The following NUBPL variants were observed in gnomAD, a reference collection of about 807,000 sequenced individuals.
The protein encoded by NUBPL is NUBP iron-sulfur cluster assembly factor, mitochondrial.
NUBPL carries 31 observed loss-of-function variants against 45.7 expected under a neutral mutation model. The observed-to-expected ratio is 0.68, with a 90% CI of 0.51 to 0.92. The LOEUF (loss-of-function observed/expected upper bound fraction) is 0.92. Ranked by LOEUF, NUBPL falls within the 40% of genes least tolerant of loss-of-function variation. The pLI, the probability that NUBPL is intolerant of heterozygous loss-of-function variation, is 0.00. For synonymous variants in NUBPL, 144 were observed against 140.9 expected (o/e 1.02, Z -0.15); for missense variants, 401 against 398.7 (o/e 1.01, Z -0.05).
At chr14:31,855,576 A>G (rs1282323743) in intron 10 of NUBPL, among the ~76,000 whole-genome samples, 1 of 151,970 alleles carries the variant, frequency 6.6e-6, no homozygotes, top group Non-Finnish European at 1.5e-5. Context: ...TACTTGGTAT[A>G]GTAGGTACTC....
chr14:31,668,213 C>T (rs910924305), intron 4 of NUBPL, among the ~76,000 whole-genome samples: 19 of 152,192 alleles, frequency 1.2e-4, no homozygotes, highest in Non-Finnish European at 2.2e-4. Context: ...TTTATCTTTA[C>T]GTCCCTGACT....
intron 6 of NUBPL, among the ~76,000 whole-genome samples, chr14:31,694,567 G>A (rs993758995): frequency 3.9e-5 from 6 of 152,174 alleles, no homozygotes; most frequent in Admixed American, 3.9e-4. Flanking sequence ...CCAGGCAGGA[G>A]TGCAGTGGCG....
chr14:31,647,834 A>G (rs971414444), intron 4 of NUBPL, among the ~76,000 whole-genome samples: 1 of 152,216 alleles, frequency 6.6e-6, no homozygotes. Context: ...CGTTTTGGCT[A>G]TCTAGCTTAT....
rs536766144 is a variant in NUBPL at position 31,679,256 on chromosome 14, C to T, written c.513+5682C>T. On this transcript the variant is annotated intron_variant, in intron 6 of 10. Coordinates refer to ENST00000281081, the MANE Select transcript of NUBPL (RefSeq NM_025152.3). Reference sequence around the variant, plus strand: ...AAATTGAAACCAGGTATTCTGAGTGCTCATCTGATTTTTGGTTCTTATGTA... The same window carrying T: ...AAATTGAAACCAGGTATTCTGAGTGTTCATCTGATTTTTGGTTCTTATGTA... Among the ~76,000 whole-genome samples, 9 of 152,126 alleles carry T rather than the reference C, an allele frequency of 5.9e-5. No individual in the cohort carries two copies. In the South Asian group the frequency reaches 1.9e-3, roughly 32 times the overall value.
chr14:31,582,208 C>G (rs1467838382), intron 3 of NUBPL, among the ~76,000 whole-genome samples: 2 of 151,360 alleles, frequency 1.3e-5, no homozygotes, highest in African/African-American at 4.9e-5. Flanking sequence ...TTAGTAGATG[C>G]CATAGATAAT....
intron 6 of NUBPL, among the ~76,000 whole-genome samples, chr14:31,675,856 A>G (rs922933104): frequency 2.0e-5 from 3 of 152,188 alleles, no homozygotes; most frequent in African/African-American, 2.4e-5. Flanking sequence ...ATATATACCT[A>G]TGTAATCATA....
chr14:31,683,581 G>T (rs1005673027), intron 6 of NUBPL, among the ~76,000 whole-genome samples: 7 of 152,054 alleles, frequency 4.6e-5, no homozygotes, highest in African/African-American at 1.4e-4. Flanking sequence ...TCGATCTCCT[G>T]ACCTCGTGAT....
intron 4 of NUBPL, among the ~76,000 whole-genome samples, chr14:31,643,704 A>T (rs564040495): frequency 3.2e-4 from 49 of 151,802 alleles, no homozygotes; most frequent in Middle Eastern, 3.4e-3. Flanking sequence ...ATTTTTTTTG[A>T]AGAGTTTGAA....
chr14:31,642,043 A>G (rs770975869), intron 4 of NUBPL, among the ~76,000 whole-genome samples: 8 of 152,104 alleles, frequency 5.3e-5, no homozygotes, highest in Admixed American at 2.6e-4. Context: ...TTATTTTACT[A>G]TTGAGTTGTT....
intron 6 of NUBPL, among the ~76,000 whole-genome samples, chr14:31,773,836 A>G (rs1019490516): frequency 2.0e-4 from 30 of 152,356 alleles, no homozygotes; most frequent in Admixed American, 1.7e-3. Flanking sequence ...TCCACTAAGT[A>G]TAAGTCAAGT....
chr14:31,740,921 T>C (rs781363482), intron 6 of NUBPL, among the ~76,000 whole-genome samples: 1 of 152,230 alleles, frequency 6.6e-6, no homozygotes, highest in Admixed American at 6.5e-5. Flanking sequence ...TCAAAGGCAT[T>C]GTTTATTTCT....
chr14:31,689,563 A>C (rs906814366), intron 6 of NUBPL, among the ~76,000 whole-genome samples: 4 of 151,750 alleles, frequency 2.6e-5, no homozygotes, highest in Non-Finnish European at 5.9e-5. Flanking sequence ...TGGATATTAG[A>C]CCTTTGTCAG....
At chr14:31,636,334 A>G (rs529262068) in intron 4 of NUBPL, among the ~76,000 whole-genome samples, 118 of 151,974 alleles carry the variant, frequency 7.8e-4, no homozygotes, top group African/African-American at 2.7e-3. Flanking sequence ...CCTTTTCTGC[A>G]TCTATTGAGA....
At chr14:31,749,091 T>G (rs2038464467) in intron 6 of NUBPL, among the ~76,000 whole-genome samples, 1 of 152,228 alleles carries the variant, frequency 6.6e-6, no homozygotes, top group African/African-American at 2.4e-5. Context: ...AATCACTCTA[T>G]ATCTTTAATT....
At chr14:31,843,818 C>G (rs1432619387) in intron 8 of NUBPL, 2 of 152,208 alleles carry the variant, frequency 1.3e-5, no homozygotes, top group Non-Finnish European at 2.9e-5. Context: ...CCTCTCTGTT[C>G]TACACTCTCA....
chr14:31,817,793 C>G (rs2039946449), intron 7 of NUBPL, among the ~76,000 whole-genome samples: 2 of 152,108 alleles, frequency 1.3e-5, no homozygotes, highest in South Asian at 4.1e-4. Context: ...ATGACAGCAT[C>G]AAATTCACAA....
Position 31,621,396 on chromosome 14 carries a change from C to G in NUBPL, c.382+22017C>G, listed in dbSNP as rs182632574. On this transcript the variant is annotated intron_variant, in intron 4 of 10. Coordinates refer to ENST00000281081, the MANE Select transcript of NUBPL (RefSeq NM_025152.3). Reference sequence around the variant, plus strand: ...TGGCCTCCCAGTTTTGTGCTTGAAACCCAGGGCCCTGGTGGCATACATAGG... The same window carrying G: ...TGGCCTCCCAGTTTTGTGCTTGAAAGCCAGGGCCCTGGTGGCATACATAGG... Among the ~76,000 whole-genome samples, 373 of 152,264 alleles carry G rather than the reference C, an allele frequency of 2.4e-3. 1 individual carries two copies. Among genetic ancestry groups the G allele is most frequent in the African/African-American group, 8.2e-3 (340 of 41,554 alleles).
intron 3 of NUBPL, among the ~76,000 whole-genome samples, chr14:31,587,440 C>T (rs776384339): frequency 1.3e-5 from 2 of 152,138 alleles, no homozygotes; most frequent in Non-Finnish European, 2.9e-5. Flanking sequence ...TAGTATAACG[C>T]CTGGCACGTA....
chr14:31,636,709 C>G (rs1347153025), intron 4 of NUBPL, among the ~76,000 whole-genome samples: 1 of 152,182 alleles, frequency 6.6e-6, no homozygotes, highest in African/African-American at 2.4e-5. Flanking sequence ...GGCTGTGAAT[C>G]CATCTGGTCC....
Sources: gnomAD v4.1 joint callset for allele counts (sites outside exome capture counted in the v4.1 genomes callset) on GRCh38, gnomAD v4.1.1 for gene constraint, MANE v1.5 for transcripts, NCBI Gene and HGNC (gene_info 2026-07-23, HGNC 2026-07-21) for gene names.